The following TBCD variants were observed in gnomAD, a reference collection of about 807,000 sequenced individuals.
TBCD encodes the protein tubulin folding cofactor D.
TBCD carries 105 observed loss-of-function variants against 169.3 expected under a neutral mutation model. The observed-to-expected ratio is 0.62, with a 90% CI of 0.53 to 0.73. TBCD has a LOEUF of 0.73. Ranked by LOEUF, TBCD falls within the 30% of genes least tolerant of loss-of-function variation. TBCD has a pLI of 0.00. For synonymous variants in TBCD, 700 were observed against 643.9 expected (o/e 1.09, Z -1.32); for missense variants, 1,444 against 1,600.1 (o/e 0.90, Z 1.66).
At chr17:82,815,063 G>A (rs2051759983) in intron 13 of TBCD, 129 bp downstream of exon 13, 5 of 1,432,780 alleles carry the variant, frequency 3.5e-6, no homozygotes, top group Non-Finnish European at 4.7e-6. Flanking sequence ...TCACCAGGCT[G>A]TCCGTGGCAG....
rs906691265 is a variant in TBCD at position 82,806,793 on chromosome 17, C to G, written c.1087+782C>G. ...GCGCCTGTGGCACCGTTGCCAGCCC[C>G]GAGCCAGCATCCACTCCGGCCCTTC... On this transcript the variant is annotated intron_variant, in intron 10 of 38. Coordinates refer to ENST00000355528, the MANE Select transcript of TBCD (RefSeq NM_005993.5). This position sits in a 1 kb window ranked among gnomAD's most constrained non-coding sequence, Gnocchi z 5.1. Among the ~76,000 whole-genome samples the G allele has an allele frequency of 1.3e-5, 2 of 152,206 alleles. No individual in the cohort carries two copies. Among genetic ancestry groups the G allele is most frequent in the Non-Finnish European group, 2.9e-5 (2 of 68,042 alleles).
At chr17:82,763,901 G>A in intron 2 of TBCD, 64 bp from the exon 3 acceptor site, 2 of 1,405,056 alleles carry the variant, frequency 1.4e-6, no homozygotes, top group Non-Finnish European at 2.0e-6. Flanking sequence ...CACCACACCT[G>A]GCCGGCCTCA....
chr17:82,902,760 G>A (rs1449999102), intron 18 of TBCD, among the ~76,000 whole-genome samples: 1 of 152,158 alleles, frequency 6.6e-6, no homozygotes, highest in African/African-American at 2.4e-5. Context: ...TTGTTACATG[G>A]TCGCCCTCAT....
intron 14 of TBCD, among the ~76,000 whole-genome samples, chr17:82,877,807 T>C (rs1345459773): frequency 6.6e-6 from 1 of 152,216 alleles, no homozygotes; most frequent in African/African-American, 2.4e-5. Context: ...TAAACCAGTA[T>C]TTTTCTCTTC....
At chr17:82,807,469 C>T in intron 10 of TBCD, 139 bp from the exon 11 acceptor site, 2 of 482,716 alleles carry the variant, frequency 4.1e-6, no homozygotes, top group Non-Finnish European at 3.3e-6. Context: ...ATGTTCTTTT[C>T]CTGTCATTAA....
rs377718092 is a variant in TBCD at position 82,903,469 on chromosome 17, G to A, written c.1795G>A (p.Ala599Thr). 205 of 1,594,428 alleles carry A rather than the reference G, an allele frequency of 1.3e-4. No homozygotes were observed. Among genetic ancestry groups the A allele is most frequent in the Admixed American group, 5.1e-4 (29 of 57,386 alleles). The change falls in exon 19 of 39, where the codon GCC becomes ACC. Residue 599 changes from alanine to threonine, a missense_variant. Coordinates refer to ENST00000355528, the MANE Select transcript of TBCD (RefSeq NM_005993.5). The surrounding 1 kb of genome is among the most constrained non-coding windows in gnomAD (Gnocchi z 4.8). ...GGCCCAGCAGGCACCCGAGTTCAGC[G>A]CCACGCAAGGTGGGTGTGTGTCCCG... ...NLAQQAPEFS[A>T]TQVFPRLLSM... is the part of the protein sequence containing the mutation.
chr17:82,926,266 G>A (rs956640790), intron 27 of TBCD, 134 bp from the exon 28 acceptor site: 74 of 799,096 alleles, frequency 9.3e-5, no homozygotes, highest in Middle Eastern at 2.4e-4. Flanking sequence ...ATGGATGGCC[G>A]TGAGGAAGGT....
rs990607384 is a variant in TBCD at position 82,752,259 on chromosome 17, C to T, written c.66C>T (p.Ala22=). 1.4e-5 allele frequency: 22 copies of T among 1,522,848 alleles called. No individual in the cohort carries two copies. The Admixed American group carries it at 1.6e-4, about 11-fold the overall frequency. 94.3% of individuals were successfully genotyped at this position (1,522,848 alleles called of 1,614,324 possible). The change falls in exon 1 of 39, where the codon GCC becomes GCT. Residue 22 remains alanine, a synonymous_variant. Transcript: ENST00000355528. ...PEEEAEDETL[A]FGAALEAFGE... ...AGGAGGCGGAGGACGAGACACTGGC[C>T]TTTGGCGCGGCGCTGGAAGCGTTCG...
chr17:82,766,082 T>C (rs2048003337), intron 3 of TBCD, among the ~76,000 whole-genome samples, 185 bp from the exon 4 acceptor site: 1 of 152,166 alleles, frequency 6.6e-6, no homozygotes, highest in Non-Finnish European at 1.5e-5. Context: ...GAGCCATCGC[T>C]CTTGGCCATG....
In TBCD at chr17:82,906,079, C is replaced by T. The variant is rs753063247; in HGVS notation, c.1922+26C>T. Reference sequence around the variant, plus strand: ...GTAGGAAGAGTGGGTCTCGAGGAGACACAGGGCTCTGTCCCTGATCCCCTC... The same window carrying T: ...GTAGGAAGAGTGGGTCTCGAGGAGATACAGGGCTCTGTCCCTGATCCCCTC... On this transcript the variant is annotated intron_variant, in intron 20 of 38. Transcript: ENST00000355528. 4 of 1,538,104 alleles carry T rather than the reference C, an allele frequency of 2.6e-6. No homozygotes were observed. In the East Asian group the frequency reaches 7.0e-5, roughly 27 times the overall value.
At chr17:82,772,609 A>ACCCCGGGAAGTCTTTGGACTCTGTGG in intron 6 of TBCD, 102 bp downstream of exon 6, 1 of 1,271,862 alleles carries the variant, frequency 7.9e-7, no homozygotes, top group South Asian at 1.2e-5. Flanking sequence ...CAGACGAAGG[A>ACCCCGGGAAGTCTTTGGACTCTGTGG]CCCCGGGAAG....
intron 13 of TBCD, among the ~76,000 whole-genome samples, chr17:82,867,319 G>C (rs761071533): frequency 2.6e-5 from 4 of 152,222 alleles, no homozygotes; most frequent in Non-Finnish European, 4.4e-5. Flanking sequence ...GTTGGGAGTC[G>C]GTCTGTCCAG....
At chr17:82,847,397 A>G (rs1034536875) in intron 13 of TBCD, among the ~76,000 whole-genome samples, 3 of 151,380 alleles carry the variant, frequency 2.0e-5, no homozygotes, top group Admixed American at 2.0e-4. Context: ...CCCTGAGAAC[A>G]TCAGTGGGGT....
At chr17:82,793,557 C>T (rs1229077531) in intron 7 of TBCD, among the ~76,000 whole-genome samples, 2 of 152,208 alleles carry the variant, frequency 1.3e-5, no homozygotes, top group East Asian at 1.9e-4. Context: ...CAGAGTTCCT[C>T]AGTGAAGCCT....
Position 82,889,730 on chromosome 17 carries a change from A to C in TBCD, c.1563+33A>C. ...TGCTTTCAAACACCTTTATTCCAAA[A>C]ACTTCCTGCGGGTTTATAGGTAGGA... is the stretch of plus-strand genomic sequence containing the variant. On this transcript the variant is annotated intron_variant, in intron 16 of 38. Coordinates refer to ENST00000355528, the MANE Select transcript of TBCD (RefSeq NM_005993.5). The surrounding 1 kb of genome is among the most constrained non-coding windows in gnomAD (Gnocchi z 5.3). 1.9e-6 allele frequency: 3 copies of C among 1,611,290 alleles called. No individual in the cohort carries two copies. Among genetic ancestry groups the C allele is most frequent in the Non-Finnish European group, 2.5e-6 (3 of 1,178,942 alleles).
chr17:82,828,505 C>T (rs150735912), intron 13 of TBCD, among the ~76,000 whole-genome samples: 20 of 132,288 alleles, frequency 1.5e-4, no homozygotes, highest in Admixed American at 6.1e-4. Flanking sequence ...ATCGAATGCA[C>T]CCCCCCCGCA....
At chr17:82,816,620 G>A (rs1158407911) in intron 13 of TBCD, among the ~76,000 whole-genome samples, 2 of 151,236 alleles carry the variant, frequency 1.3e-5, no homozygotes, top group African/African-American at 4.9e-5. Flanking sequence ...TGTAATCTCT[G>A]CCTCCCAGGA....
rs1197800410 is a variant in TBCD, at chr17:82,870,311, A to G, written c.1406A>G (p.Tyr469Cys). 1 of 1,613,454 alleles carries G rather than the reference A, an allele frequency of 6.2e-7. No individual in the cohort carries two copies. The highest frequency in any genetic ancestry group is 1.3e-5 in the African/African-American group (1 of 74,946). Residue 469 changes from tyrosine to cysteine, a missense_variant, in exon 14 of 39, where the codon TAC becomes TGC. Physicochemically the swap from Tyr to Cys is radical, Grantham distance 194. Transcript: ENST00000355528. ...VGTNVRDAACYVCWAFARAYE... is the reference protein window; with the variant it reads ...VGTNVRDAACCVCWAFARAYE... ...ACCAACGTCAGGGACGCCGCCTGCT[A>G]CGTGTGCTGGGCCTTCGCGCGTGCC... is the stretch of plus-strand genomic sequence containing the variant.
At chr17:82,787,923 G>A (rs191872221) in intron 7 of TBCD, among the ~76,000 whole-genome samples, 5 of 152,280 alleles carry the variant, frequency 3.3e-5, no homozygotes, top group Non-Finnish European at 2.9e-5. Flanking sequence ...GAAATTCAAG[G>A]AAGGAGAAAA....
Sources: allele counts gnomAD v4.1 joint callset (sites outside exome capture counted in the v4.1 genomes callset), GRCh38; gene constraint gnomAD v4.1.1; non-coding constraint Gnocchi (gnomAD v3.1); transcripts MANE v1.5; gene names NCBI Gene and HGNC (gene_info 2026-07-23, HGNC 2026-07-21).